GALNS: variants seen among roughly 807,000 people sequenced by gnomAD.
GALNS encodes the protein galactosamine (N-acetyl)-6-sulfatase.
GALNS carries 65 observed loss-of-function variants against 65.9 expected under a neutral mutation model. The observed-to-expected ratio is 0.99, with a 90% CI of 0.81 to 1.21. The LOEUF is 1.21. GALNS is among the 50% of genes most tolerant of loss of function. The pLI is 0.00. For synonymous variants in GALNS, 346 were observed against 288.9 expected (o/e 1.20, Z -2.00); for missense variants, 776 against 700.7 (o/e 1.11, Z -1.21).
At position 88,840,937 on chromosome 16, in the gene GALNS, A is replaced by G; in HGVS notation, c.422+55T>C. The stretch of plus-strand genomic sequence containing the variant: ...CTTGTGGCCATGTCCCTTGGAACCA[A>G]GGCCAGGAAGTGGATGGAGCAGGAC... On this transcript the variant is annotated intron_variant, in intron 4 of 13. Coordinates refer to ENST00000268695, the MANE Select transcript of GALNS (RefSeq NM_000512.5). 13 of 1,394,596 alleles carry G rather than the reference A, an allele frequency of 9.3e-6. 1 individual carries two copies. In the Middle Eastern group the frequency reaches 1.1e-3, roughly 114 times the overall value. 86.4% of individuals were successfully genotyped at this position (1,394,596 alleles called of 1,614,324 possible). A position where few individuals can be genotyped will look rare whatever the true frequency, so the allele number is the denominator to read the frequency against.
chr16:88,842,655 T>TCGGC (rs1457348442), intron 2 of GALNS, 51 bp downstream of exon 2: 1 of 1,602,852 alleles, frequency 6.2e-7, no homozygotes, highest in East Asian at 2.2e-5. Context: ...CCGGGAGGCC[T>TCGGC]CGGCCTGTTG....
intron 8 of GALNS, among the ~76,000 whole-genome samples, chr16:88,833,076 TCAA>T (rs1911682876): frequency 1.7e-5 from 1 of 58,150 alleles, no homozygotes; most frequent in African/African-American, 9.3e-5. Context: ...AGACTCCTTC[TCAA>T]AAAAAAAAAA....
Position 88,840,974 on chromosome 16 carries a change from C to T in GALNS, c.422+18G>A, listed in dbSNP as rs778894382. 7.5e-6 allele frequency: 12 copies of T among 1,597,548 alleles called. No homozygotes were observed. Among genetic ancestry groups the T allele is most frequent in the East Asian group, 4.5e-5 (2 of 44,828 alleles). On this transcript the variant is annotated intron_variant, in intron 4 of 13. Coordinates refer to ENST00000268695, the MANE Select transcript of GALNS (RefSeq NM_000512.5). The stretch of plus-strand genomic sequence containing the variant: ...GGATGGAGCAGGACGCCTGGGCAGG[C>T]GTGGCCAGGAGACTTACCACTTGCC...
intron 10 of GALNS, among the ~76,000 whole-genome samples, chr16:88,825,722 G>C (rs933195627): frequency 6.6e-6 from 1 of 152,088 alleles, no homozygotes; most frequent in African/African-American, 2.4e-5. Context: ...GGCGGCACGG[G>C]GTCTCCTGAC....
intron 9 of GALNS, among the ~76,000 whole-genome samples, chr16:88,827,723 G>A (rs1195317202): frequency 6.6e-6 from 1 of 152,220 alleles, no homozygotes; most frequent in Non-Finnish European, 1.5e-5. Flanking sequence ...TGGGATTACA[G>A]GCATGAGCCC....
At position 88,837,763 on chromosome 16, in the gene GALNS, T is replaced by A. The variant is rs1288895691; in HGVS notation, c.425A>T (p.His142Leu). 3 of 1,613,962 alleles carry A rather than the reference T, an allele frequency of 1.9e-6. No individual in the cohort carries two copies. Among genetic ancestry groups the A allele is most frequent in the Admixed American group, 3.3e-5 (2 of 60,024 alleles). The change falls in exon 5 of 14, where the codon CAT (histidine) becomes CTT (leucine). Residue 142 changes from histidine (H) to leucine (L), a missense_variant and splice_region_variant. By Grantham distance (99) the His-to-Leu change is moderately conservative. Coordinates refer to ENST00000268695, the MANE Select transcript of GALNS (RefSeq NM_000512.5). Reference sequence around the variant, plus strand: ...GTGGAACTGGGGCCTGTGACCCAGATGCCTGGAAACAGGAACCCAGGACAC... The same window carrying A: ...GTGGAACTGGGGCCTGTGACCCAGAAGCCTGGAAACAGGAACCCAGGACAC... ...GYVSKIVGKW[H>L]LGHRPQFHPL...
rs1482364483 is a variant in GALNS at position 88,814,161 on chromosome 16, G to C, written c.*278C>G. On this transcript the variant is annotated 3_prime_UTR_variant, in exon 14 of 14. Coordinates refer to ENST00000268695, the MANE Select transcript of GALNS (RefSeq NM_000512.5). ...CTGAGACTGGTCTCAGATATTTGGG[G>C]TTCACAAAGGCGTGAGACGGCAGGG... 1 of 542,838 alleles carries C rather than the reference G, an allele frequency of 1.8e-6. No individual in the cohort carries two copies. Among genetic ancestry groups the C allele is most frequent in the East Asian group, 3.2e-5 (1 of 31,158 alleles). The allele number at this position is 542,838 out of a possible 1,614,324, so 33.6% of individuals were successfully genotyped here. A position where few individuals can be genotyped will look rare whatever the true frequency, so the allele number is the denominator to read the frequency against.
intron 13 of GALNS, chr16:88,815,366 C>T (rs1597517427): frequency 6.1e-6 from 6 of 985,486 alleles, no homozygotes; most frequent in East Asian, 2.3e-4. Flanking sequence ...CCTGCAGCTT[C>T]AGCCTCTCAA....
chr16:88,848,170 C>T (rs1255076612), intron 1 of GALNS, among the ~76,000 whole-genome samples: 1 of 152,156 alleles, frequency 6.6e-6, no homozygotes, highest in Non-Finnish European at 1.5e-5. Context: ...AGCGGGTCGG[C>T]CAGGGGCTTC....
intron 1 of GALNS, among the ~76,000 whole-genome samples, chr16:88,854,524 G>A (rs1359626455): frequency 2.0e-5 from 3 of 152,222 alleles, no homozygotes; most frequent in Non-Finnish European, 2.9e-5. Context: ...CTCCCTTCTG[G>A]GGTAGGCCCG....
intron 10 of GALNS, among the ~76,000 whole-genome samples, chr16:88,825,338 TCTGGGG>T: frequency 9.9e-6 from 1 of 100,672 alleles, no homozygotes; most frequent in East Asian, 3.0e-4. Context: ...TGCCTGGGTG[TCTGGGG>T]CTGGGGTGTC....
At chr16:88,836,584 G>T (rs901923772) in intron 5 of GALNS, among the ~76,000 whole-genome samples, 2 of 152,142 alleles carry the variant, frequency 1.3e-5, no homozygotes, top group African/African-American at 4.8e-5. Context: ...AACCCAGGAG[G>T]CGGAGGTTGC....
In GALNS at chr16:88,814,272, A is replaced by T; in HGVS notation, c.*167T>A. The T allele has an allele frequency of 1.1e-6, 1 of 922,730 alleles. No homozygotes were observed. The highest frequency in any genetic ancestry group is 1.7e-6 in the Non-Finnish European group (1 of 588,012). The allele number at this position is 922,730 out of a possible 1,614,324, so 57.2% of individuals were successfully genotyped here. On this transcript the variant is annotated 3_prime_UTR_variant, in exon 14 of 14. Transcript: ENST00000268695. ...CGAGGAGGAGGGCCAAGCACACGCC[A>T]GGGTCAGGTCCTGGGCAGGTGGAAT...
At chr16:88,843,667 C>T (rs1006497158) in intron 1 of GALNS, 2 of 167,334 alleles carry the variant, frequency 1.2e-5, no homozygotes, top group South Asian at 3.0e-4. Flanking sequence ...CAAGGACCTT[C>T]CTGGAGAGCC....
At chr16:88,855,496 T>C (rs997824913) in intron 1 of GALNS, 8 of 702,640 alleles carry the variant, frequency 1.1e-5, no homozygotes, top group Admixed American at 4.0e-5. Flanking sequence ...CCCTGGGCGC[T>C]GGAGAGCGTG....
At chr16:88,817,961 C>G in intron 13 of GALNS, 46 bp downstream of exon 13, 2 of 1,482,464 alleles carry the variant, frequency 1.3e-6, no homozygotes, top group South Asian at 2.4e-5. Flanking sequence ...GGGTGGGTGG[C>G]TGCAGCCCCG....
chr16:88,817,428 GA>G, intron 13 of GALNS: 6 of 985,474 alleles, frequency 6.1e-6, no homozygotes, highest in Non-Finnish European at 7.2e-6. Flanking sequence ...CTATGAGTGA[GA>G]TCAGGTCTGA....
intron 1 of GALNS, among the ~76,000 whole-genome samples, chr16:88,851,634 G>A (rs1967513613): frequency 6.6e-6 from 1 of 152,174 alleles, no homozygotes; most frequent in African/African-American, 2.4e-5. Context: ...ACTGCACCTG[G>A]AAAATCAGGA....
In GALNS at chr16:88,817,818, G is replaced by A. The variant is rs2303273; in HGVS notation, c.1482+189C>T. Among the ~76,000 whole-genome samples the A allele has an allele frequency of 0.041, 6,318 of 152,284 alleles. 160 individuals are homozygous for A. Among genetic ancestry groups the A allele is most frequent in the South Asian group, 0.082 (397 of 4,828 alleles). The stretch of plus-strand genomic sequence containing the variant: ...GGTGCAGCGTTGTTCTGGTCCCCGA[G>A]TCGCTTGGCTCCTGCCTCCCGAATC... On this transcript the variant is annotated intron_variant, in intron 13 of 13. Coordinates refer to ENST00000268695, the MANE Select transcript of GALNS (RefSeq NM_000512.5).
Sources: gnomAD v4.1 joint callset for allele counts (sites outside exome capture counted in the v4.1 genomes callset) on GRCh38, gnomAD v4.1.1 for gene constraint, MANE v1.5 for transcripts, NCBI Gene and HGNC (gene_info 2026-07-23, HGNC 2026-07-21) for gene names.